BPTF: variants seen among roughly 807,000 people sequenced by gnomAD.
BPTF encodes nucleosome-remodeling factor subunit BPTF.
BPTF carries 18 observed loss-of-function variants against 292.5 expected under a neutral mutation model. The ratio of observed to expected loss-of-function variants is 0.06; its 90% CI spans 0.04 to 0.09. BPTF has a LOEUF of 0.09. Ranked by LOEUF, BPTF falls within the 10% of genes least tolerant of loss-of-function variation. BPTF has a pLI of 1.00. For missense variants in BPTF, 2,726 were observed against 3,498.7 expected, an observed-to-expected ratio of 0.78 and a Z score of 5.57; for synonymous variants, 1,225 against 1,251.9, an observed-to-expected ratio of 0.98 and a Z score of 0.45.
rs782292902 is a variant in BPTF at position 67,946,293 on chromosome 17, G to A, written c.7585G>A (p.Ala2529Thr). ...IEIKREHTLQASNQSEIIQKQ... is the reference protein window; with the variant it reads ...IEIKREHTLQTSNQSEIIQKQ... ...AATTAAGCGTGAACACACCCTCCAA[G>A]CTTCTAATCAAAGTGAAATCATTCA... The change falls in exon 21 of 28, where the codon GCT becomes ACT. Residue 2529 changes from alanine (A) to threonine (T), a missense_variant. Around this residue, in one of 22 missense-constraint regions of BPTF, gnomAD observed 570 missense variants for 633.5 expected, o/e 0.90. Transcript: ENST00000306378. 3.7e-6 allele frequency: 6 copies of A among 1,613,968 alleles called. No individual in the cohort carries two copies. Among genetic ancestry groups the A allele is most frequent in the Non-Finnish European group, 5.1e-6 (6 of 1,179,976 alleles).
chr17:67,886,245 C>T (rs772890962), intron 4 of BPTF: 1 of 1,614,006 alleles, frequency 6.2e-7, no homozygotes, highest in South Asian at 1.1e-5. Context: ...AGTGAATCTG[C>T]TAAGGCAGCT....
intron 4 of BPTF, among the ~76,000 whole-genome samples, chr17:67,886,741 A>G (rs1024867162): frequency 1.3e-5 from 2 of 152,106 alleles, no homozygotes; most frequent in South Asian, 2.1e-4. Context: ...ATCATTCTGC[A>G]TGTATTGTTC....
In BPTF at chr17:67,866,578, C is replaced by T. The variant is rs758649387; in HGVS notation, c.1551C>T (p.Cys517=). The change falls in exon 3 of 28, where the codon TGC becomes TGT. Residue 517 remains cysteine (C), a synonymous_variant. Coordinates refer to ENST00000306378, the MANE Select transcript of BPTF (RefSeq NM_182641.4). ...AAGATTATTGGGAAGCAGAACTCTG[C>T]AAAATTCTAGAAGAAATGCGTGAAG... ...LDKDYWEAEL[C]KILEEMREEI... 2.5e-6 allele frequency: 4 copies of T among 1,613,950 alleles called. No individual in the cohort carries two copies. The highest frequency in any genetic ancestry group is 3.4e-6 in the Non-Finnish European group (4 of 1,179,924).
chr17:67,963,912 A>G (rs1282872819), intron 24 of BPTF, among the ~76,000 whole-genome samples: 1 of 152,230 alleles, frequency 6.6e-6, no homozygotes, highest in Non-Finnish European at 1.5e-5. Context: ...CATATGGTAC[A>G]GTACTAGTTG....
intron 3 of BPTF, among the ~76,000 whole-genome samples, chr17:67,870,729 G>C (rs2059667968): frequency 7.0e-6 from 1 of 143,136 alleles, no homozygotes; most frequent in African/African-American, 2.5e-5. Context: ...TGATGACTTT[G>C]ACTTGATGTT....
intron 1 of BPTF, among the ~76,000 whole-genome samples, chr17:67,831,516 T>A (rs973207187): frequency 6.6e-6 from 1 of 152,132 alleles, no homozygotes; most frequent in African/African-American, 2.4e-5. Flanking sequence ...ACGGGCGTGT[T>A]TGGAAGTTTG....
In BPTF at chr17:67,873,431, C is replaced by T. The variant is rs2059870175; in HGVS notation, c.1661-1386C>T. Among the ~76,000 whole-genome samples, 4 of 147,686 alleles carry T rather than the reference C, an allele frequency of 2.7e-5. No homozygotes were observed. The South Asian group carries it at 8.6e-4, about 32-fold the overall frequency. ...CAGGAGTGCGCCATTACACTCCTGCCTGGGTGACAAGAGCAAAACTCCATC... is the reference window on the plus strand; with the variant it reads ...CAGGAGTGCGCCATTACACTCCTGCTTGGGTGACAAGAGCAAAACTCCATC... On this transcript the variant is annotated intron_variant, in intron 3 of 27. Transcript: ENST00000306378.
At chr17:67,951,744 G>A (rs1440776058) in intron 23 of BPTF, 42 of 152,000 alleles carry the variant, frequency 2.8e-4, no homozygotes, top group Admixed American at 2.8e-3. Context: ...AATCTAACGA[G>A]GAAGAAAAGT....
In BPTF at chr17:67,983,218, C is replaced by CA. The variant is rs2070603646; in HGVS notation, c.*932dup. Reference sequence around the variant, plus strand: ...AAGCCTTTGTGGGGAGGGAGGCCTGCAAGGTCATGAAAGGCAGAAGAGTCT... The same window carrying CA: ...AAGCCTTTGTGGGGAGGGAGGCCTGCAAAGGTCATGAAAGGCAGAAGAGTCT... On this transcript the variant is annotated 3_prime_UTR_variant, in exon 28 of 28. Transcript: ENST00000306378. 1 of 152,590 alleles carries CA rather than the reference C, an allele frequency of 6.6e-6. No individual in the cohort carries two copies. Among genetic ancestry groups the CA allele is most frequent in the Admixed American group, 6.6e-5 (1 of 15,250 alleles). The allele number at this position is 152,590 out of a possible 1,614,324, so 9.5% of individuals were successfully genotyped here.
rs182937471 is a variant in BPTF at position 67,917,355 on chromosome 17, C to T, written c.5304-1359C>T. 3.9e-4 allele frequency among the ~76,000 whole-genome samples: 59 copies of T among 151,950 alleles called. No individual in the cohort carries two copies. The East Asian group carries it at 0.01, about 27-fold the overall frequency. On this transcript the variant is annotated intron_variant, in intron 11 of 27. Coordinates refer to ENST00000306378, the MANE Select transcript of BPTF (RefSeq NM_182641.4). Reference sequence around the variant, plus strand: ...GGCCAGGCTGGTCTCAAACTCCTGACCTCGTGATCCCCCCACCTTGGCCTC... The same window carrying T: ...GGCCAGGCTGGTCTCAAACTCCTGATCTCGTGATCCCCCCACCTTGGCCTC...
At position 67,969,116 on chromosome 17, in the gene BPTF, A is replaced by G. The variant is rs185431997; in HGVS notation, c.8539+2460A>G. 3.8e-4 allele frequency among the ~76,000 whole-genome samples: 57 copies of G among 151,544 alleles called. No individual in the cohort carries two copies. The East Asian group carries it at 0.01, about 27-fold the overall frequency. On this transcript the variant is annotated intron_variant, in intron 26 of 27. Coordinates refer to ENST00000306378, the MANE Select transcript of BPTF (RefSeq NM_182641.4). ...CAGGAGTTCAAGACCAGCCTGGACA[A>G]CATGGCAAAACCCTGTCTCTCCAAA... is the stretch of plus-strand genomic sequence containing the variant.
At chr17:67,950,613 G>A (rs544665129) in intron 23 of BPTF, among the ~76,000 whole-genome samples, 11 of 151,894 alleles carry the variant, frequency 7.2e-5, no homozygotes, top group Non-Finnish European at 1.3e-4. Context: ...TGAGGCGAGC[G>A]GATCATTTGA....
intron 3 of BPTF, 65 bp downstream of exon 3, chr17:67,866,752 C>T (rs2059411457): frequency 7.6e-7 from 1 of 1,323,400 alleles, no homozygotes. Flanking sequence ...TATGAAATCA[C>T]TGCAAAATTT....
chr17:67,867,516 A>T (rs1310267384), intron 3 of BPTF, among the ~76,000 whole-genome samples: 2 of 152,202 alleles, frequency 1.3e-5, no homozygotes, highest in African/African-American at 2.4e-5. Flanking sequence ...ACTCAAGTCC[A>T]TACTTCATTC....
intron 14 of BPTF, among the ~76,000 whole-genome samples, chr17:67,923,504 G>A (rs183042909): frequency 0.021 from 1,675 of 81,002 alleles, 48 homozygotes; most frequent in African/African-American, 0.071. Flanking sequence ...TTTTTTTGAA[G>A]CAGAGTCTCG....
chr17:67,854,860 A>G lies in BPTF; in HGVS notation c.1436+98A>G. On this transcript the variant is annotated intron_variant, in intron 2 of 27. Transcript: ENST00000306378. This position sits in a 1 kb window ranked among gnomAD's most constrained non-coding sequence, Gnocchi z 5.6. ...GAGCTATGCTGTTGATGTGGTATAA[A>G]CCTTTGTAACTTAATAGTTATACAG... The G allele has an allele frequency of 1.3e-6, 1 of 791,454 alleles. No individual in the cohort carries two copies. The highest frequency in any genetic ancestry group is 1.8e-5 in the South Asian group (1 of 54,640). 49.0% of individuals were successfully genotyped at this position (791,454 alleles called of 1,614,324 possible).
intron 7 of BPTF, among the ~76,000 whole-genome samples, chr17:67,895,185 T>G (rs999109524): frequency 6.6e-6 from 1 of 151,806 alleles, no homozygotes; most frequent in Non-Finnish European, 1.5e-5. Context: ...ACACAAAAAT[T>G]AGCTGGGTGT....
chr17:67,868,063 A>G (rs1413322813), intron 3 of BPTF, among the ~76,000 whole-genome samples: 2 of 152,154 alleles, frequency 1.3e-5, no homozygotes, highest in East Asian at 3.8e-4. Context: ...GTATACATTC[A>G]TGGATATTTT....
intron 1 of BPTF, among the ~76,000 whole-genome samples, chr17:67,841,496 G>C (rs1242563134): frequency 6.6e-6 from 1 of 151,692 alleles, no homozygotes; most frequent in African/African-American, 2.4e-5. Flanking sequence ...TACTTTTTTT[G>C]ACTAGTGATA....
Sources: allele counts gnomAD v4.1 joint callset (sites outside exome capture counted in the v4.1 genomes callset), GRCh38; gene constraint gnomAD v4.1.1; regional missense constraint gnomAD v4.1.1; non-coding constraint Gnocchi (gnomAD v3.1); transcripts MANE v1.5; gene names NCBI Gene and HGNC (gene_info 2026-07-23, HGNC 2026-07-21).